Variants in TDRD12 observed in about 807,000 individuals in gnomAD.
The protein encoded by TDRD12 is tudor domain containing 12.
TDRD12 carries 158 observed loss-of-function variants against 133.5 expected under a neutral mutation model. The observed-to-expected ratio is 1.18, with a 90% CI of 1.04 to 1.35. The LOEUF (loss-of-function observed/expected upper bound fraction) is 1.35, where lower values mean the gene tolerates loss of function less well. Among genes scored for constraint, TDRD12 ranks in the 40% most tolerant of loss-of-function variants. The pLI, the probability that TDRD12 is intolerant of heterozygous loss-of-function variation, is 0.00. For missense variants in TDRD12, 1,443 were observed against 1,321.3 expected (o/e 1.09, Z -1.43); for synonymous variants, 460 against 477.9 (o/e 0.96, Z 0.49).
At chr19:32,821,090 T>G (rs1318794268) in exon 28 of TDRD12, 1 of 1,535,832 alleles carries the variant, frequency 6.5e-7, no homozygotes, top group Non-Finnish European at 8.7e-7. Context: ...AGGACACGGG[T>G]GCAGAAGGAG....
intron 2 of TDRD12, among the ~76,000 whole-genome samples, chr19:32,735,567 G>C (rs1295400330): frequency 1.3e-5 from 2 of 152,224 alleles, no homozygotes; most frequent in Admixed American, 6.5e-5. Context: ...AGTTTCTCCA[G>C]ATGTAGCTAT....
At chr19:32,802,620 C>T in intron 19 of TDRD12, 36 bp from the exon 20 acceptor site, 11 of 1,531,336 alleles carry the variant, frequency 7.2e-6, no homozygotes, top group Non-Finnish European at 7.0e-6. Flanking sequence ...GCGGTAACTC[C>T]AGCGCGTGTG....
intron 6 of TDRD12, among the ~76,000 whole-genome samples, chr19:32,754,390 G>A (rs1375305216): frequency 5.9e-5 from 9 of 152,074 alleles, no homozygotes; most frequent in Non-Finnish European, 1.2e-4. Context: ...GATCACTTGT[G>A]CCTGGGAGGC....
chr19:32,812,818 G>A (rs1967052579), intron 24 of TDRD12, among the ~76,000 whole-genome samples: 1 of 152,186 alleles, frequency 6.6e-6, no homozygotes, highest in African/African-American at 2.4e-5. Context: ...CTTTGTTCAT[G>A]TGAAAATGTG....
At chr19:32,796,822 G>A (rs1971241740) in intron 14 of TDRD12, among the ~76,000 whole-genome samples, 1 of 152,224 alleles carries the variant, frequency 6.6e-6, no homozygotes, top group Non-Finnish European at 1.5e-5. Context: ...GTGTCTGGAA[G>A]CTGGGCCCAC....
downstream of TDRD12, chr19:32,821,391 TGTGTGTGTGTGTGTGTGTGC>T (rs1350895459): frequency 4.5e-3 from 1,922 of 424,798 alleles, 17 homozygotes; most frequent in East Asian, 2.7e-3. Flanking sequence ...TGTGTGTGTG[TGTGTGTGTGTGTGTGTGTGC>T]GTGTGAACCA....
chr19:32,736,660 G>A (rs1162931735), intron 2 of TDRD12, among the ~76,000 whole-genome samples: 1 of 152,218 alleles, frequency 6.6e-6, no homozygotes, highest in African/African-American at 2.4e-5. Context: ...TTGCAGTATG[G>A]CTGTACTGTA....
At chr19:32,736,324 G>A (rs1969222917) in intron 2 of TDRD12, among the ~76,000 whole-genome samples, 1 of 152,194 alleles carries the variant, frequency 6.6e-6, no homozygotes, top group Non-Finnish European at 1.5e-5. Context: ...GCTGAAGCAG[G>A]AAGATCACTT....
chr19:32,745,431 T>C (rs1341190738), intron 4 of TDRD12, among the ~76,000 whole-genome samples: 2 of 152,256 alleles, frequency 1.3e-5, no homozygotes, highest in Non-Finnish European at 2.9e-5. Flanking sequence ...ACAGATTTTG[T>C]CAAATTCCCC....
exon 10 of TDRD12, chr19:32,827,231 G>A (rs1967619938): frequency 1.6e-6 from 2 of 1,231,956 alleles, no homozygotes; most frequent in Admixed American, 4.2e-5. Context: ...GCACTTCAGA[G>A]GATGACGACA....
At chr19:32,821,068 G>A (rs1321007298) in exon 28 of TDRD12, 16 of 1,535,886 alleles carry the variant, frequency 1.0e-5, no homozygotes, top group Non-Finnish European at 1.4e-5. Flanking sequence ...TGCCTGCAGA[G>A]CCCCCAGCCT....
chr19:32,726,663 A>G (rs978768780), intron 1 of TDRD12, among the ~76,000 whole-genome samples: 3 of 102,672 alleles, frequency 2.9e-5, no homozygotes, highest in Non-Finnish European at 6.3e-5. Context: ...AGGTGGGAGG[A>G]TTGCTTGAGG....
chr19:32,734,569 C>T (rs545079048), intron 2 of TDRD12, among the ~76,000 whole-genome samples: 8 of 151,920 alleles, frequency 5.3e-5, no homozygotes, highest in Non-Finnish European at 7.4e-5. Context: ...GACAGGGTTT[C>T]GCCATGTTGC....
At chr19:32,729,778 C>CTTTTTTTTTTTTTTTTT (rs1162347194) in intron 1 of TDRD12, among the ~76,000 whole-genome samples, 10 of 73,688 alleles carry the variant, frequency 1.4e-4, no homozygotes, top group Non-Finnish European at 2.2e-4. Context: ...TTTTCTTTTT[C>CTTTTTTTTTTTTTTTTT]TTTTTTTTTT....
exon 24 of TDRD12, chr19:32,811,245 C>G (rs1309247895): frequency 6.5e-7 from 1 of 1,535,960 alleles, no homozygotes; most frequent in African/African-American, 1.4e-5. Context: ...AAAGAAGACG[C>G]CTGGGCCCTG....
intron 9 of TDRD12, 90 bp from the exon 33 acceptor site, chr19:32,827,074 A>AT: frequency 3.1e-6 from 2 of 649,722 alleles, no homozygotes; most frequent in Non-Finnish European, 4.4e-6. Flanking sequence ...AACCCAAGGC[A>AT]TTTTTTTCTG....
At chr19:32,769,678 C>G (rs763399633) in intron 8 of TDRD12, among the ~76,000 whole-genome samples, 1 of 151,978 alleles carries the variant, frequency 6.6e-6, no homozygotes, top group Non-Finnish European at 1.5e-5. Flanking sequence ...CTCTCATTGC[C>G]CAGGCTAGAG....
At chr19:32,774,795 C>T (rs1041479514) in intron 10 of TDRD12, among the ~76,000 whole-genome samples, 1 of 152,004 alleles carries the variant, frequency 6.6e-6, no homozygotes, top group African/African-American at 2.4e-5. Flanking sequence ...CCAGCCTGGC[C>T]AACATGGTGA....
chr19:32,826,842 A>G (rs3746025), intron 9 of TDRD12, 93 bp downstream of exon 32: 24,154 of 775,868 alleles, frequency 0.031, 1,108 homozygotes, highest in East Asian at 0.24. Context: ...CCTTGGTGGA[A>G]GTGGACCGTT....
Sources: gnomAD v4.1 joint callset for allele counts (sites outside exome capture counted in the v4.1 genomes callset) on GRCh38, gnomAD v4.1.1 for gene constraint, MANE v1.5 for transcripts, NCBI Gene and HGNC (gene_info 2026-07-23, HGNC 2026-07-21) for gene names.